Variants in ZNF407 observed in about 807,000 individuals in gnomAD.
ZNF407 encodes the protein zinc finger protein 407.
A neutral mutation model predicts 131.2 loss-of-function variants in ZNF407; 17 were observed. That is an observed-to-expected ratio of 0.13 (90% CI 0.09 to 0.19). The LOEUF is 0.19. Among genes scored for constraint, ZNF407 ranks in the 10% least tolerant of loss-of-function variants. The pLI is 1.00. For missense variants in ZNF407, 2,681 were observed against 2,830.6 expected (o/e 0.95, Z 1.20); for synonymous variants, 1,156 against 1,062.0 (o/e 1.09, Z -1.72).
intron 8 of ZNF407, among the ~76,000 whole-genome samples, chr18:74,934,663 G>A (rs537453632): frequency 7.2e-5 from 11 of 152,254 alleles, no homozygotes; most frequent in South Asian, 2.1e-4. Context: ...AAAATTAGCC[G>A]GACATGGTGG....
chr18:75,010,909 C>T (rs1972966784), intron 8 of ZNF407, among the ~76,000 whole-genome samples: 1 of 152,124 alleles, frequency 6.6e-6, no homozygotes, highest in South Asian at 2.1e-4. Flanking sequence ...CAAATAATGG[C>T]TCCTTGTCAA....
At chr18:74,606,385 C>A (rs1982807143) in intron 1 of ZNF407, among the ~76,000 whole-genome samples, 1 of 151,946 alleles carries the variant, frequency 6.6e-6, no homozygotes, top group South Asian at 2.1e-4. Context: ...ATGGAGATAC[C>A]TACATTTATA....
chr18:74,852,510 G>A (rs1188554509), intron 4 of ZNF407, among the ~76,000 whole-genome samples: 2 of 151,936 alleles, frequency 1.3e-5, no homozygotes, highest in Non-Finnish European at 2.9e-5. Context: ...AAATATAGTA[G>A]CATTATTTCT....
chr18:74,769,838 G>T (rs1295178078), intron 3 of ZNF407, among the ~76,000 whole-genome samples: 1 of 152,140 alleles, frequency 6.6e-6, no homozygotes, highest in Non-Finnish European at 1.5e-5. Flanking sequence ...TTAGTTGTTG[G>T]AAAATAACTT....
At chr18:74,987,834 T>TTC (rs1972671372) in intron 8 of ZNF407, among the ~76,000 whole-genome samples, 1 of 152,086 alleles carries the variant, frequency 6.6e-6, no homozygotes, top group Non-Finnish European at 1.5e-5. Context: ...GATTCCACAT[T>TTC]TATAGATGGG....
intron 8 of ZNF407, chr18:75,062,887 A>T (rs1252586575): frequency 6.1e-6 from 2 of 327,268 alleles, no homozygotes; most frequent in African/African-American, 4.2e-5. Context: ...CCCTGCAAAG[A>T]GTTGTATTGG....
chr18:75,010,493 C>T (rs1972961233), intron 8 of ZNF407, among the ~76,000 whole-genome samples: 1 of 152,140 alleles, frequency 6.6e-6, no homozygotes, highest in South Asian at 2.1e-4. Flanking sequence ...TCTGCCACTT[C>T]CTTGTGACTG....
At chr18:74,642,071 CG>C (rs1411037773) in intron 3 of ZNF407, among the ~76,000 whole-genome samples, 1 of 151,726 alleles carries the variant, frequency 6.6e-6, no homozygotes, top group African/African-American at 2.4e-5. Flanking sequence ...CATGTAAATA[CG>C]TTTTATGTCA....
intron 3 of ZNF407, among the ~76,000 whole-genome samples, chr18:74,727,906 G>T (rs1035535072): frequency 2.0e-5 from 3 of 152,154 alleles, no homozygotes; most frequent in Admixed American, 6.5e-5. Context: ...TGGTATCTAG[G>T]CTGGATTCGG....
chr18:74,897,554 C>T (rs1190290398), intron 7 of ZNF407, among the ~76,000 whole-genome samples: 2 of 152,086 alleles, frequency 1.3e-5, no homozygotes, highest in Non-Finnish European at 2.9e-5. Flanking sequence ...TTACTATGGA[C>T]AGTCCCTTGG....
intron 8 of ZNF407, among the ~76,000 whole-genome samples, chr18:75,022,191 G>C (rs1021553880): frequency 2.0e-5 from 3 of 152,076 alleles, no homozygotes; most frequent in Admixed American, 6.5e-5. Context: ...ATAAACACTT[G>C]GTGTAACGTG....
chr18:74,719,393 A>G (rs907862080), intron 3 of ZNF407, among the ~76,000 whole-genome samples: 51 of 150,256 alleles, frequency 3.4e-4, no homozygotes, highest in Non-Finnish European at 5.0e-4. Flanking sequence ...TTGCTTACTT[A>G]CTTACTTACT....
At position 74,940,705 on chromosome 18, in the gene ZNF407, T is replaced by A. The variant is rs1033983668; in HGVS notation, c.5428+20013T>A. Among the ~76,000 whole-genome samples the A allele has an allele frequency of 2.5e-4, 38 of 152,308 alleles. 1 individual carries two copies. The highest frequency in any genetic ancestry group is 8.9e-4 in the African/African-American group (37 of 41,576). The stretch of plus-strand genomic sequence containing the variant: ...AAACACTGAAGTCATAAATCCTACT[T>A]TGCGGGGCTGTTGTAGAGAAAATGA... On this transcript the variant is annotated intron_variant, in intron 8 of 8. Transcript: ENST00000299687.
chr18:74,675,791 G>A (rs947001757), intron 3 of ZNF407, among the ~76,000 whole-genome samples: 2 of 152,008 alleles, frequency 1.3e-5, no homozygotes, highest in African/African-American at 2.4e-5. Context: ...CCGACAATTC[G>A]AGGATCTTGA....
intron 8 of ZNF407, among the ~76,000 whole-genome samples, chr18:75,038,851 T>C (rs1037989648): frequency 3.3e-5 from 5 of 152,204 alleles, no homozygotes; most frequent in African/African-American, 9.6e-5. Context: ...TAAGCAGTTT[T>C]TACTGTCAAG....
chr18:74,795,147 A>G (rs2145057822), intron 4 of ZNF407, among the ~76,000 whole-genome samples: 1 of 152,290 alleles, frequency 6.6e-6, no homozygotes, highest in South Asian at 2.1e-4. Context: ...AGAATATTAT[A>G]CAAATAGTAT....
intron 8 of ZNF407, among the ~76,000 whole-genome samples, chr18:74,925,904 T>A (rs1385916184): frequency 6.6e-6 from 1 of 152,236 alleles, no homozygotes; most frequent in Non-Finnish European, 1.5e-5. Flanking sequence ...TATTTCCTAA[T>A]ATAGATGTTA....
chr18:74,917,483 T>G (rs1358594633), intron 7 of ZNF407, among the ~76,000 whole-genome samples: 5 of 152,212 alleles, frequency 3.3e-5, no homozygotes, highest in African/African-American at 4.8e-5. Context: ...TCTTGATTTA[T>G]TTTATATTTT....
intron 8 of ZNF407, among the ~76,000 whole-genome samples, chr18:74,958,116 G>A (rs1207004109): frequency 6.6e-6 from 1 of 152,130 alleles, no homozygotes; most frequent in Non-Finnish European, 1.5e-5. Flanking sequence ...CTTCACCTAC[G>A]AGACTCTGGA....
Sources: gnomAD v4.1 joint callset for allele counts (sites outside exome capture counted in the v4.1 genomes callset) on GRCh38, gnomAD v4.1.1 for gene constraint, MANE v1.5 for transcripts, NCBI Gene and HGNC (gene_info 2026-07-23, HGNC 2026-07-21) for gene names.